MACROD2: variants seen among roughly 807,000 people sequenced by gnomAD.
MACROD2 encodes the protein mono-ADP ribosylhydrolase 2.
A neutral mutation model predicts 70.4 loss-of-function variants in MACROD2; 36 were observed. The ratio of observed to expected loss-of-function variants is 0.51; its 90% CI spans 0.39 to 0.68. MACROD2 has a LOEUF of 0.68. Ranked by LOEUF, MACROD2 falls within the 30% of genes least tolerant of loss-of-function variation. The pLI is 0.00. For missense variants in MACROD2, 496 were observed against 538.4 expected (o/e 0.92, Z 0.78); for synonymous variants, 172 against 178.8 (o/e 0.96, Z 0.30).
intron 8 of MACROD2, among the ~76,000 whole-genome samples, chr20:15,771,902 G>A (rs1361455908): frequency 1.3e-5 from 2 of 151,086 alleles, no homozygotes; most frequent in African/African-American, 2.4e-5. Context: ...TGGCTAACAC[G>A]GTGAAACCCC....
intron 3 of MACROD2, among the ~76,000 whole-genome samples, chr20:14,347,552 G>C (rs1234832633): frequency 6.6e-6 from 1 of 152,146 alleles, no homozygotes; most frequent in African/African-American, 2.4e-5. Context: ...TGTGTTACTA[G>C]TCTGGAATGT....
In MACROD2 at chr20:14,542,162, C is replaced by T. The variant is rs191790062; in HGVS notation, c.301+48654C>T. 5.3e-5 allele frequency among the ~76,000 whole-genome samples: 8 copies of T among 152,304 alleles called. No homozygotes were observed. The East Asian group carries it at 1.2e-3, about 22-fold the overall frequency. Reference sequence around the variant, plus strand: ...TGGAGCTGAATGTGGGTGTGTTGACCGCAGTCGCCATCACACCCTTTTGTC... The same window carrying T: ...TGGAGCTGAATGTGGGTGTGTTGACTGCAGTCGCCATCACACCCTTTTGTC... On this transcript the variant is annotated intron_variant, in intron 4 of 17. Transcript: ENST00000684519.
intron 3 of MACROD2, among the ~76,000 whole-genome samples, chr20:14,280,145 T>C (rs1052153763): frequency 5.9e-5 from 9 of 152,176 alleles, no homozygotes; most frequent in Non-Finnish European, 1.3e-4. Context: ...ATTTATCACA[T>C]ACAGAAAAAC....
intron 6 of MACROD2, among the ~76,000 whole-genome samples, chr20:15,363,173 C>T (rs2078373004): frequency 6.6e-6 from 1 of 152,120 alleles, no homozygotes; most frequent in Non-Finnish European, 1.5e-5. Context: ...CTGGGTGTTC[C>T]CTCCCTTGAG....
chr20:14,745,210 T>G (rs572741226), intron 5 of MACROD2, among the ~76,000 whole-genome samples: 1 of 152,198 alleles, frequency 6.6e-6, no homozygotes, highest in Non-Finnish European at 1.5e-5. Context: ...TTTAAAAATC[T>G]TTATCCTCCA....
intron 6 of MACROD2, among the ~76,000 whole-genome samples, chr20:15,373,699 A>C (rs1404711941): frequency 1.3e-5 from 2 of 152,142 alleles, no homozygotes; most frequent in African/African-American, 4.8e-5. Flanking sequence ...CACTGCACCC[A>C]GCTTTTTTTG....
intron 8 of MACROD2, among the ~76,000 whole-genome samples, chr20:15,562,308 C>T (rs769481611): frequency 1.6e-4 from 24 of 152,074 alleles, no homozygotes; most frequent in Non-Finnish European, 2.6e-4. Flanking sequence ...GTGGGGCCTT[C>T]ATATAAGTAT....
chr20:14,690,810 T>C (rs997220829), intron 5 of MACROD2, among the ~76,000 whole-genome samples: 1 of 152,198 alleles, frequency 6.6e-6, no homozygotes, highest in African/African-American at 2.4e-5. Context: ...AGAGTTGAGT[T>C]GTAGCTACAG....
chr20:15,358,066 C>T (rs1257853051), intron 6 of MACROD2, among the ~76,000 whole-genome samples: 2 of 152,124 alleles, frequency 1.3e-5, no homozygotes, highest in Non-Finnish European at 2.9e-5. Flanking sequence ...CTTTGGCCTC[C>T]CAAAGTGCTG....
chr20:15,802,329 G>T (rs946217633), intron 8 of MACROD2, among the ~76,000 whole-genome samples: 1 of 152,082 alleles, frequency 6.6e-6, no homozygotes, highest in South Asian at 2.1e-4. Flanking sequence ...CTGTGGGTTT[G>T]TCATATATAG....
At chr20:15,462,058 C>A (rs928068755) in intron 7 of MACROD2, among the ~76,000 whole-genome samples, 22 of 152,004 alleles carry the variant, frequency 1.4e-4, no homozygotes, top group African/African-American at 4.8e-4. Context: ...TAGATTCCAC[C>A]CAAATCATGT....
intron 8 of MACROD2, among the ~76,000 whole-genome samples, chr20:15,724,943 ATG>A (rs2050839584): frequency 1.3e-5 from 2 of 152,020 alleles, no homozygotes; most frequent in East Asian, 3.9e-4. Flanking sequence ...TTAGCCGGGT[ATG>A]GTGGCAGGCG....
intron 8 of MACROD2, among the ~76,000 whole-genome samples, chr20:15,612,718 T>A (rs2048986278): frequency 6.6e-6 from 1 of 152,226 alleles, no homozygotes. Flanking sequence ...TTTCTTGTAG[T>A]CGTTTTTAAA....
intron 5 of MACROD2, among the ~76,000 whole-genome samples, chr20:15,034,103 G>T (rs2075295752): frequency 6.6e-6 from 1 of 152,172 alleles, no homozygotes; most frequent in Admixed American, 6.5e-5. Flanking sequence ...TGATGGGGCT[G>T]CTTTTCACCC....
intron 5 of MACROD2, among the ~76,000 whole-genome samples, chr20:15,114,585 T>G (rs1237745972): frequency 6.6e-6 from 1 of 152,192 alleles, no homozygotes; most frequent in Non-Finnish European, 1.5e-5. Context: ...GGAACACAGC[T>G]TGGCTGACAC....
At chr20:15,864,382 T>G (rs2064464452) in intron 9 of MACROD2, among the ~76,000 whole-genome samples, 1 of 152,170 alleles carries the variant, frequency 6.6e-6, no homozygotes, top group South Asian at 2.1e-4. Context: ...TATTCTCATG[T>G]CTTGTCAGTA....
At chr20:15,249,048 T>G (rs2077130930) in intron 6 of MACROD2, among the ~76,000 whole-genome samples, 1 of 152,006 alleles carries the variant, frequency 6.6e-6, no homozygotes, top group Non-Finnish European at 1.5e-5. Flanking sequence ...TGGGGCACAG[T>G]TTAGCTGGGG....
chr20:15,237,106 AC>A (rs2077020229), intron 6 of MACROD2, among the ~76,000 whole-genome samples: 1 of 152,206 alleles, frequency 6.6e-6, no homozygotes, highest in African/African-American at 2.4e-5. Context: ...CCCTCCTCCC[AC>A]ACAATGTTTT....
At chr20:14,769,548 C>T (rs575614351) in intron 5 of MACROD2, among the ~76,000 whole-genome samples, 9 of 152,200 alleles carry the variant, frequency 5.9e-5, no homozygotes, top group Non-Finnish European at 1.3e-4. Context: ...AGTTTTAACT[C>T]ATCATATTGT....
Sources: allele counts gnomAD v4.1 joint callset (sites outside exome capture counted in the v4.1 genomes callset), GRCh38; gene constraint gnomAD v4.1.1; transcripts MANE v1.5; gene names NCBI Gene and HGNC (gene_info 2026-07-23, HGNC 2026-07-21).